TLN2: variants seen among roughly 807,000 people sequenced by gnomAD.
TLN2 encodes the protein talin-2.
Under a neutral mutation model 294.7 loss-of-function variants are expected in TLN2, and 118 were observed. The ratio of observed to expected loss-of-function variants is 0.40; its 90% confidence interval spans 0.34 to 0.47. The LOEUF is 0.47. Among genes scored for constraint, TLN2 ranks in the 20% least tolerant of loss-of-function variants. The pLI is 0.84. For synonymous variants in TLN2, 1,431 were observed against 1,304.5 expected (o/e 1.10, Z -2.09); for missense variants, 3,083 against 3,282.2 (o/e 0.94, Z 1.48).
intron 11 of TLN2, among the ~76,000 whole-genome samples, chr15:62,686,222 C>G (rs973195902): frequency 6.6e-5 from 10 of 152,288 alleles, no homozygotes; most frequent in African/African-American, 2.4e-4. Context: ...TGAGAAGATT[C>G]TACTTTGACA....
At chr15:62,652,738 T>C (rs1403841921) in intron 6 of TLN2, among the ~76,000 whole-genome samples, 1 of 152,154 alleles carries the variant, frequency 6.6e-6, no homozygotes, top group East Asian at 1.9e-4. Flanking sequence ...GTGACATAAG[T>C]TCTACTATAC....
intron 11 of TLN2, among the ~76,000 whole-genome samples, chr15:62,680,062 C>T (rs879168013): frequency 1.3e-5 from 2 of 152,192 alleles, no homozygotes; most frequent in Non-Finnish European, 2.9e-5. Context: ...ATCACACTGT[C>T]GTGATCAACT....
intron 35 of TLN2, 115 bp downstream of exon 35, chr15:62,752,542 G>A (rs753039962): frequency 6.2e-6 from 9 of 1,446,372 alleles, no homozygotes; most frequent in African/African-American, 1.4e-5. Flanking sequence ...CCATGGGAAA[G>A]GCAGTGGCTT....
intron 3 of TLN2, among the ~76,000 whole-genome samples, chr15:62,631,311 A>G (rs2049795457): frequency 6.6e-6 from 1 of 152,188 alleles, no homozygotes; most frequent in Non-Finnish European, 1.5e-5. Flanking sequence ...TTTGGAGAAG[A>G]CACATGCAAA....
intron 47 of TLN2, 144 bp downstream of exon 47, chr15:62,796,437 T>C: frequency 4.7e-6 from 5 of 1,062,120 alleles, no homozygotes; most frequent in Middle Eastern, 6.1e-4. Flanking sequence ...AAGTGAACCA[T>C]GTAATCAGAA....
At chr15:62,542,830 G>A (rs756902534) in intron 1 of TLN2, among the ~76,000 whole-genome samples, 6 of 151,948 alleles carry the variant, frequency 3.9e-5, no homozygotes, top group African/African-American at 7.3e-5. Context: ...CAGGCCTTAC[G>A]AATGAACGCC....
intron 32 of TLN2, among the ~76,000 whole-genome samples, chr15:62,742,709 C>A (rs1201517998): frequency 2.0e-5 from 3 of 152,156 alleles, no homozygotes; most frequent in African/African-American, 4.8e-5. Flanking sequence ...GATTTCATAG[C>A]CAGGTAAGCA....
chr15:62,651,329 CT>C (rs2052563165), intron 5 of TLN2, among the ~76,000 whole-genome samples: 1 of 152,110 alleles, frequency 6.6e-6, no homozygotes, highest in Admixed American at 6.5e-5. Flanking sequence ...TTTAAGAAAT[CT>C]TTATGAAAGC....
chr15:62,412,809 A>G (rs1256555071), intron 1 of TLN2, among the ~76,000 whole-genome samples: 1 of 152,232 alleles, frequency 6.6e-6, no homozygotes, highest in Non-Finnish European at 1.5e-5. Flanking sequence ...CACTTGCCAA[A>G]TGGCTTGAAA....
intron 1 of TLN2, among the ~76,000 whole-genome samples, chr15:62,519,862 C>G (rs191642622): frequency 6.6e-6 from 1 of 152,272 alleles, no homozygotes; most frequent in East Asian, 1.9e-4. Flanking sequence ...GTTTGTATTA[C>G]TCCGTTTTCA....
chr15:62,548,498 C>T (rs2042119001), intron 1 of TLN2, among the ~76,000 whole-genome samples: 1 of 152,284 alleles, frequency 6.6e-6, no homozygotes, highest in Middle Eastern at 3.4e-3. Context: ...CTAGGTGTGT[C>T]TTCCTAGGCC....
chr15:62,688,013 C>T lies in TLN2; in HGVS notation c.1113+1217C>T, dbSNP rs557594915. 5.0e-4 allele frequency: 76 copies of T among 152,222 alleles called. 1 individual carries two copies. In the East Asian group the frequency reaches 6.9e-3, roughly 14 times the overall value. 9.4% of individuals were successfully genotyped at this position (152,222 alleles called of 1,614,324 possible). A position where few individuals can be genotyped will look rare whatever the true frequency, so the allele number is the denominator to read the frequency against. On this transcript the variant is annotated intron_variant, in intron 12 of 58. Coordinates refer to ENST00000636159, the MANE Select transcript of TLN2 (RefSeq NM_015059.3). ...TGCTAAAAGAGTTGAAAGTGGTTAC[C>T]TTTGGAGAGGTATGTGGTAGAAAGT... is the stretch of plus-strand genomic sequence containing the variant.
intron 1 of TLN2, among the ~76,000 whole-genome samples, chr15:62,551,101 G>A (rs530837037): frequency 6.6e-6 from 1 of 152,200 alleles, no homozygotes; most frequent in South Asian, 2.1e-4. Flanking sequence ...CCCTCGCATG[G>A]GTGGTTCACA....
At chr15:62,571,198 A>C (rs139625762) in intron 1 of TLN2, among the ~76,000 whole-genome samples, 134 of 152,316 alleles carry the variant, frequency 8.8e-4, no homozygotes, top group African/African-American at 3.2e-3. Context: ...GATGAGCCTG[A>C]CACTTGGCAC....
At chr15:62,538,047 C>A (rs2041462050) in intron 1 of TLN2, among the ~76,000 whole-genome samples, 1 of 152,040 alleles carries the variant, frequency 6.6e-6, no homozygotes, top group Non-Finnish European at 1.5e-5. Flanking sequence ...TGTGGTGAAA[C>A]CCCATCTCTA....
At chr15:62,751,660 T>C (rs773254516) in intron 34 of TLN2, among the ~76,000 whole-genome samples, 1 of 152,134 alleles carries the variant, frequency 6.6e-6, no homozygotes, top group Admixed American at 6.5e-5. Context: ...TGGGGCATAA[T>C]GAGGGAACAC....
intron 1 of TLN2, among the ~76,000 whole-genome samples, chr15:62,518,759 G>A (rs571515687): frequency 4.1e-4 from 62 of 151,998 alleles, no homozygotes; most frequent in Non-Finnish European, 6.3e-4. Flanking sequence ...CATCACACCC[G>A]GCTAATTTTT....
At position 62,702,095 on chromosome 15, in the gene TLN2, C is replaced by T; in HGVS notation, c.1800C>T (p.Leu600=). 1.2e-6 allele frequency: 2 copies of T among 1,614,224 alleles called. No individual in the cohort carries two copies. The highest frequency in any genetic ancestry group is 1.7e-6 in the Non-Finnish European group (2 of 1,180,038). Residue 600 remains leucine (L), a synonymous_variant, in exon 18 of 59, where the codon CTC becomes CTT. Transcript: ENST00000636159. ...MSKGVKLLAA[L]MDDEVGSGED... Reference sequence around the variant, plus strand: ...AGGGTGTGAAGCTATTGGCCGCCCTCATGGATGATGAGGTGGGCAGCGGGG... The same window carrying T: ...AGGGTGTGAAGCTATTGGCCGCCCTTATGGATGATGAGGTGGGCAGCGGGG...
At position 62,702,067 on chromosome 15, in the gene TLN2, C is replaced by T; in HGVS notation, c.1772C>T (p.Ser591Phe). 1 of 1,614,214 alleles carries T rather than the reference C, an allele frequency of 6.2e-7. No homozygotes were observed. The highest frequency in any genetic ancestry group is 8.5e-7 in the Non-Finnish European group (1 of 1,180,052). Residue 591 changes from serine to phenylalanine, a missense_variant, in exon 18 of 59, where the codon TCC becomes TTC. Ser to Phe is a radical substitution (Grantham distance 155). Coordinates refer to ENST00000636159, the MANE Select transcript of TLN2 (RefSeq NM_015059.3). The part of the protein sequence containing the change: ...TTISSNLTEM[S>F]KGVKLLAALM... ...ATTTCTTCCAACCTGACGGAGATGT[C>T]CAAGGGTGTGAAGCTATTGGCCGCC... is the stretch of plus-strand genomic sequence containing the variant.
Sources: gnomAD v4.1 joint callset for allele counts (sites outside exome capture counted in the v4.1 genomes callset) on GRCh38, gnomAD v4.1.1 for gene constraint, MANE v1.5 for transcripts, NCBI Gene and HGNC (gene_info 2026-07-23, HGNC 2026-07-21) for gene names.